The following ZDHHC7 variants were observed in gnomAD, a reference collection of about 807,000 sequenced individuals.
ZDHHC7 encodes palmitoyltransferase ZDHHC7.
Under a neutral mutation model 34.1 loss-of-function variants are expected in ZDHHC7, and 12 were observed. That is an observed-to-expected ratio of 0.35 (90% CI 0.23 to 0.57). The LOEUF (loss-of-function observed/expected upper bound fraction) is 0.57, where lower values mean the gene tolerates loss of function less well. Ranked by LOEUF, ZDHHC7 falls within the 20% of genes least tolerant of loss-of-function variation. The pLI is 0.84. For missense variants in ZDHHC7, 388 were observed against 402.7 expected (o/e 0.96, Z 0.31); for synonymous variants, 185 against 155.4 (o/e 1.19, Z -1.42).
chr16:85,000,073 G>A (rs116419262), intron 1 of ZDHHC7, among the ~76,000 whole-genome samples: 21,019 of 151,880 alleles, frequency 0.14, 1,787 homozygotes, highest in East Asian at 0.33. Flanking sequence ...CTCGGAGGTC[G>A]AGGCTGCAGT....
At chr16:84,985,952 C>CAAA (rs58315276) in intron 3 of ZDHHC7, among the ~76,000 whole-genome samples, 9,072 of 53,966 alleles carry the variant, frequency 0.17, 1,255 homozygotes, top group Admixed American at 0.23. Flanking sequence ...GAGACTGTCT[C>CAAA]AAAAAAAAAA....
chr16:84,985,729 C>T (rs984381481), intron 3 of ZDHHC7, among the ~76,000 whole-genome samples: 8 of 151,900 alleles, frequency 5.3e-5, no homozygotes, highest in Admixed American at 3.9e-4. Context: ...CCGAGGCAGG[C>T]GGATCACTTG....
rs2072393341 is a variant in ZDHHC7 at position 84,983,221 on chromosome 16, AGG to A, written c.316-1229_316-1228del. ...AGGGCTGCAGTGATTGTGCAAAGAC[AGG>A]GGATATAGGTGGGGCAAATGGAAGG... On this transcript the variant is annotated intron_variant, in intron 3 of 7. Transcript: ENST00000313732. 2.0e-5 allele frequency among the ~76,000 whole-genome samples: 3 copies of A among 152,322 alleles called. 1 individual carries two copies. In the South Asian group the frequency reaches 6.2e-4, roughly 32 times the overall value.
At chr16:85,001,898 A>G (rs978278057) in intron 1 of ZDHHC7, among the ~76,000 whole-genome samples, 7 of 141,626 alleles carry the variant, frequency 4.9e-5, no homozygotes, top group African/African-American at 5.5e-5. Context: ...TCTAATAAAT[A>G]AAAGGAACCA....
chr16:85,014,286 T>C (rs1273061510), upstream of ZDHHC7, among the ~76,000 whole-genome samples: 1 of 152,156 alleles, frequency 6.6e-6, no homozygotes, highest in African/African-American at 2.4e-5. Context: ...AGTGTAGAAG[T>C]TTGGGGATCG....
chr16:84,977,390 G>A, intron 6 of ZDHHC7, 165 bp from the exon 7 acceptor site: 1 of 846,700 alleles, frequency 1.2e-6, no homozygotes, highest in East Asian at 2.7e-5. Context: ...AGCAGAGGAG[G>A]GCCACCCTTC....
At chr16:84,988,860 T>A (rs1373217591) in intron 3 of ZDHHC7, 1 of 1,551,734 alleles carries the variant, frequency 6.4e-7, no homozygotes, top group South Asian at 1.2e-5. Context: ...TGGTCGGCAG[T>A]CACTGGATTT....
the ZDHHC7 span, among the ~76,000 whole-genome samples, chr16:85,017,939 T>C: frequency 6.6e-6 from 1 of 152,054 alleles, no homozygotes; most frequent in Non-Finnish European, 1.5e-5. Flanking sequence ...TGGGAAAAGG[T>C]GGAGATTTCT....
At chr16:85,019,543 C>A in the ZDHHC7 span, among the ~76,000 whole-genome samples, 3 of 152,072 alleles carry the variant, frequency 2.0e-5, no homozygotes, top group African/African-American at 7.2e-5. Flanking sequence ...TATGGTGAAA[C>A]CCCGTCTCTA....
the ZDHHC7 span, among the ~76,000 whole-genome samples, chr16:85,018,692 C>A: frequency 6.6e-6 from 1 of 152,016 alleles, no homozygotes; most frequent in Admixed American, 6.5e-5. Flanking sequence ...TCAGGTGATC[C>A]GCCCACCTTG....
chr16:84,976,957 G>C (rs1395709161), intron 7 of ZDHHC7, 138 bp downstream of exon 7: 5 of 1,266,366 alleles, frequency 3.9e-6, no homozygotes, highest in Non-Finnish European at 5.5e-6. Context: ...CAAACACAGG[G>C]AGCTGGTTGC....
At chr16:85,017,325 A>G in the ZDHHC7 span, among the ~76,000 whole-genome samples, 44 of 152,314 alleles carry the variant, frequency 2.9e-4, no homozygotes, top group African/African-American at 1.0e-3. Context: ...TAGTATCCAG[A>G]CACCCACTAG....
rs949818200 is a variant in ZDHHC7, at chr16:84,988,884, A to G, written c.315+1420T>C. ...GTCACTGGATTTTTCCTACAAGGCA[A>G]TATTCCAGTAAAAATCGCTGAGCTG... On this transcript the variant is annotated intron_variant, in intron 3 of 7. Transcript: ENST00000313732. The G allele has an allele frequency of 3.9e-6, 6 of 1,551,336 alleles. No homozygotes were observed. The African/African-American group carries it at 6.8e-5, about 18-fold the overall frequency.
At chr16:84,983,547 C>T (rs1025017768) in intron 3 of ZDHHC7, among the ~76,000 whole-genome samples, 1 of 152,134 alleles carries the variant, frequency 6.6e-6, no homozygotes, top group Non-Finnish European at 1.5e-5. Context: ...CCAAACCTCC[C>T]CTGAGGTTTA....
At chr16:84,984,502 T>C (rs1176487241) in intron 3 of ZDHHC7, among the ~76,000 whole-genome samples, 1 of 152,148 alleles carries the variant, frequency 6.6e-6, no homozygotes, top group Non-Finnish European at 1.5e-5. Flanking sequence ...TGCATGCACT[T>C]TTCCACAGCA....
At chr16:85,020,383 G>A in the ZDHHC7 span, among the ~76,000 whole-genome samples, 76 of 152,352 alleles carry the variant, frequency 5.0e-4, 1 homozygote, top group Admixed American at 4.9e-3. Context: ...GCTCCTGCCT[G>A]TTATGGAGCT....
At chr16:85,015,245 G>A (rs180896598), upstream of ZDHHC7, among the ~76,000 whole-genome samples, 7 of 151,870 alleles carry the variant, frequency 4.6e-5, no homozygotes, top group African/African-American at 1.7e-4. Flanking sequence ...GATTACAGGC[G>A]CCCACCACCA....
Position 84,981,863 on chromosome 16 carries a change from C to G in ZDHHC7, c.440+7G>C, listed in dbSNP as rs2072373552. Reference sequence around the variant, plus strand: ...TGCGCTCGGGTTTAATACAGCAGCGCACGTACCTGCAGTGGTGGGCGCGCT... The same window carrying G: ...TGCGCTCGGGTTTAATACAGCAGCGGACGTACCTGCAGTGGTGGGCGCGCT... On this transcript the variant is annotated splice_region_variant and intron_variant, in intron 4 of 7. Transcript: ENST00000313732. 1 of 1,613,932 alleles carries G rather than the reference C, an allele frequency of 6.2e-7. No individual in the cohort carries two copies. Among genetic ancestry groups the G allele is most frequent in the Middle Eastern group, 1.7e-4 (1 of 5,864 alleles).
At chr16:85,015,895 C>T (rs1244885871), upstream of ZDHHC7, among the ~76,000 whole-genome samples, 1 of 151,876 alleles carries the variant, frequency 6.6e-6, no homozygotes, top group Non-Finnish European at 1.5e-5. Context: ...GGCCTGCTAT[C>T]TGTCATGTGA....
Sources: gnomAD v4.1 joint callset for allele counts (sites outside exome capture counted in the v4.1 genomes callset) on GRCh38, gnomAD v4.1.1 for gene constraint, MANE v1.5 for transcripts, NCBI Gene and HGNC (gene_info 2026-07-23, HGNC 2026-07-21) for gene names.